Variants in HACD3 observed in about 807,000 individuals in gnomAD.
HACD3 encodes the protein very-long-chain (3R)-3-hydroxyacyl-CoA dehydratase 3.
In HACD3, 30 loss-of-function variants were observed where a neutral mutation model predicts 55.2. That is an observed-to-expected ratio of 0.54 (90% CI 0.41 to 0.74). HACD3 has a LOEUF of 0.74. HACD3 is among the 30% of genes least tolerant of loss of function. The pLI is 0.00. For missense variants in HACD3, 363 were observed against 440.1 expected, an observed-to-expected ratio of 0.82 and a Z score of 1.57; for synonymous variants, 141 against 151.7, an observed-to-expected ratio of 0.93 and a Z score of 0.52.
chr15:65,552,298 TA>T (rs202024474), intron 2 of HACD3, among the ~76,000 whole-genome samples: 2 of 151,692 alleles, frequency 1.3e-5, no homozygotes, highest in Admixed American at 1.3e-4. Flanking sequence ...CTGCTTTTTT[TA>T]AAAAAAAATT....
At chr15:65,543,357 ATT>A (rs1053395696) in intron 1 of HACD3, among the ~76,000 whole-genome samples, 2 of 151,978 alleles carry the variant, frequency 1.3e-5, no homozygotes, top group African/African-American at 4.8e-5. Context: ...TTGAATACAA[ATT>A]TTCTTTTTTC....
intron 1 of HACD3, chr15:65,535,645 CATT>C (rs996098465): frequency 1.0e-5 from 4 of 399,860 alleles, no homozygotes; most frequent in African/African-American, 2.1e-5. Context: ...CAGATTTTTT[CATT>C]ATTATTATAT....
At chr15:65,567,619 G>A (rs980442393) in intron 7 of HACD3, among the ~76,000 whole-genome samples, 2 of 152,078 alleles carry the variant, frequency 1.3e-5, no homozygotes, top group South Asian at 2.1e-4. Context: ...CATCATTTTC[G>A]ATAACTAAAA....
chr15:65,542,502 G>A (rs1019851569), intron 1 of HACD3, among the ~76,000 whole-genome samples: 5 of 152,038 alleles, frequency 3.3e-5, no homozygotes, highest in African/African-American at 1.2e-4. Context: ...GAGCTCAAGC[G>A]ATCTACCCAC....
chr15:65,543,228 A>G (rs908803476), intron 1 of HACD3, among the ~76,000 whole-genome samples: 3 of 152,194 alleles, frequency 2.0e-5, no homozygotes, highest in African/African-American at 7.2e-5. Flanking sequence ...TTAGTAGATC[A>G]TGTCCTTTTT....
intron 1 of HACD3, among the ~76,000 whole-genome samples, chr15:65,532,085 G>C (rs542772194): frequency 4.6e-5 from 7 of 152,198 alleles, no homozygotes; most frequent in South Asian, 2.1e-4. Context: ...CAGTTTTCCT[G>C]TTGAAAGATG....
In HACD3 at chr15:65,547,207, C is replaced by T. The variant is rs573390511; in HGVS notation, c.88-4469C>T. The stretch of plus-strand genomic sequence containing the variant: ...TCTCGGCTCACTGCAACCTCCGCCT[C>T]CTGGGTTCAAGCAATTCTCCTGCCT... On this transcript the variant is annotated intron_variant, in intron 1 of 10. Coordinates refer to ENST00000261875, the MANE Select transcript of HACD3 (RefSeq NM_016395.4). 1.6e-3 allele frequency among the ~76,000 whole-genome samples: 243 copies of T among 152,188 alleles called. 1 individual carries two copies. The highest frequency in any genetic ancestry group is 5.4e-3 in the African/African-American group (225 of 41,518).
At chr15:65,543,057 T>G (rs1265384716) in intron 1 of HACD3, among the ~76,000 whole-genome samples, 1 of 104,500 alleles carries the variant, frequency 9.6e-6, no homozygotes, top group African/African-American at 3.7e-5. Context: ...CTGGCGACAG[T>G]GGGACTCTGT....
At chr15:65,537,500 T>C (rs372468810) in intron 1 of HACD3, among the ~76,000 whole-genome samples, 1 of 151,334 alleles carries the variant, frequency 6.6e-6, no homozygotes, top group East Asian at 1.9e-4. Flanking sequence ...TTAAGAATTA[T>C]GTTAAATCGG....
chr15:65,548,137 ACT>A (rs2072094579), intron 1 of HACD3, among the ~76,000 whole-genome samples: 1 of 152,218 alleles, frequency 6.6e-6, no homozygotes. Flanking sequence ...GTGAATTCTT[ACT>A]AGTTGCCAGG....
At chr15:65,549,423 T>TG (rs1285924524) in intron 1 of HACD3, among the ~76,000 whole-genome samples, 188 of 57,954 alleles carry the variant, frequency 3.2e-3, no homozygotes, top group African/African-American at 9.2e-3. Context: ...CCATCTCTGC[T>TG]GGGAAAAAAA....
chr15:65,554,762 A>G (rs2072171466), intron 2 of HACD3, 125 bp from the exon 3 acceptor site: 2 of 629,206 alleles, frequency 3.2e-6, no homozygotes, highest in South Asian at 3.4e-5. Context: ...GCAACAGAGC[A>G]AGACTCTGTC....
rs567036201 is a variant in HACD3 at position 65,547,540 on chromosome 15, T to C, written c.88-4136T>C. Among the ~76,000 whole-genome samples, 8 of 152,324 alleles carry C rather than the reference T, an allele frequency of 5.3e-5. No individual in the cohort carries two copies. In the South Asian group the frequency reaches 1.7e-3, roughly 32 times the overall value. The stretch of plus-strand genomic sequence containing the variant: ...AATCACATTGTTTGTAGGCACAGTT[T>C]AGGAACATTGGACCACCCTTATTAG... On this transcript the variant is annotated intron_variant, in intron 1 of 10. Transcript: ENST00000261875.
At chr15:65,567,954 G>A (rs1254048746) in intron 7 of HACD3, among the ~76,000 whole-genome samples, 3 of 148,392 alleles carry the variant, frequency 2.0e-5, no homozygotes, top group Admixed American at 6.8e-5. Context: ...TGAGAGTCTC[G>A]CCCTGTCGCC....
intron 4 of HACD3, among the ~76,000 whole-genome samples, chr15:65,557,409 G>T (rs1375673509): frequency 6.6e-6 from 1 of 151,828 alleles, no homozygotes; most frequent in Non-Finnish European, 1.5e-5. Flanking sequence ...CGGGAGGCGG[G>T]GCTTGCCGTG....
Position 65,572,329 on chromosome 15 carries a change from C to CT in HACD3, c.981dup (p.Leu328SerfsTer21), listed in dbSNP as rs1251602685. 1 of 1,611,980 alleles carries CT rather than the reference C, an allele frequency of 6.2e-7. No individual in the cohort carries two copies. The highest frequency in any genetic ancestry group is 2.2e-5 in the East Asian group (1 of 44,786). On this transcript the variant is annotated frameshift_variant, in exon 10 of 11. Transcript: ENST00000261875. LOFTEE classifies it high-confidence loss of function. ...CAGTGAAAATCAAAGTTAGATTTTC[C>CT]TTTTTTCTTCAGATTTATCTTATAA...
intron 1 of HACD3, among the ~76,000 whole-genome samples, chr15:65,531,751 C>T (rs1050540317): frequency 6.6e-6 from 1 of 151,684 alleles, no homozygotes; most frequent in Non-Finnish European, 1.5e-5. Context: ...TTTTTAGTAG[C>T]GACAGGGTTT....
chr15:65,555,004 G>A lies in HACD3; in HGVS notation c.204+44G>A, dbSNP rs373730685. Reference sequence around the variant, plus strand: ...CACTTCCCTTCCCATTTTAGGAAATGAATACCAGTAGTTTAGTGAAATGGG... The same window carrying A: ...CACTTCCCTTCCCATTTTAGGAAATAAATACCAGTAGTTTAGTGAAATGGG... On this transcript the variant is annotated intron_variant, in intron 3 of 10. Transcript: ENST00000261875. 3.3e-5 allele frequency: 47 copies of A among 1,432,646 alleles called. 1 individual carries two copies. The highest frequency in any genetic ancestry group is 3.5e-4 in the Middle Eastern group (2 of 5,676). The allele number at this position is 1,432,646 out of a possible 1,614,324, so 88.7% of individuals were successfully genotyped here. A position where few individuals can be genotyped will look rare whatever the true frequency, so the allele number is the denominator to read the frequency against.
intron 1 of HACD3, among the ~76,000 whole-genome samples, chr15:65,548,440 A>G (rs1278525916): frequency 6.8e-6 from 1 of 147,946 alleles, no homozygotes; most frequent in Non-Finnish European, 1.5e-5. Context: ...TGAGCCTGGG[A>G]GATGGAGGCT....
Sources: gnomAD v4.1 joint callset for allele counts (sites outside exome capture counted in the v4.1 genomes callset) on GRCh38, gnomAD v4.1.1 for gene constraint, MANE v1.5 for transcripts, NCBI Gene and HGNC (gene_info 2026-07-23, HGNC 2026-07-21) for gene names.